PRDM9: variants seen among roughly 807,000 people sequenced by gnomAD.
The protein encoded by PRDM9 is PR/SET domain 9, also known as histone-lysine N-methyltransferase PRDM9.
Under a neutral mutation model 55.6 loss-of-function variants are expected in PRDM9, and 47 were observed. The observed-to-expected ratio is 0.85, with a 90% CI of 0.67 to 1.08. The LOEUF (loss-of-function observed/expected upper bound fraction) is 1.08. Ranked by LOEUF, PRDM9 falls within the 50% of genes least tolerant of loss-of-function variation. The pLI is 0.00. For missense variants in PRDM9, 867 were observed against 1,040.3 expected, an observed-to-expected ratio of 0.83 and a Z score of 2.29; for synonymous variants, 312 against 375.7, an observed-to-expected ratio of 0.83 and a Z score of 1.96.
At chr5:23,509,381 C>G in intron 2 of PRDM9, 89 bp from the exon 3 acceptor site, 2 of 1,603,408 alleles carry the variant, frequency 1.2e-6, no homozygotes, top group Non-Finnish European at 1.7e-6. Context: ...CCCAGAGGCC[C>G]CAGGCTATGT....
In PRDM9 at chr5:23,527,730, C is replaced by A; in HGVS notation, c.2642C>A (p.Thr881Lys). The change falls in exon 11 of 11, where the codon ACA becomes AAA. Residue 881 changes from threonine (T) to lysine (K), a missense_variant. By Grantham distance (78) the Thr-to-Lys change is moderately conservative. Coordinates refer to ENST00000296682, the MANE Select transcript of PRDM9 (RefSeq NM_020227.4). ...DRSSLCYHQRTHTGEKPYVCR... is the reference protein window; with the variant it reads ...DRSSLCYHQRKHTGEKPYVCR... ...TCAAGCCTCTGCTATCACCAGAGGA[C>A]ACACACAGGGGAGAAGCCCTACGTC... The A allele has an allele frequency of 6.2e-7, 1 of 1,613,216 alleles. No homozygotes were observed. The highest frequency in any genetic ancestry group is 8.5e-7 in the Non-Finnish European group (1 of 1,179,680).
At chr5:23,516,474 G>A (rs184074861) in intron 4 of PRDM9, among the ~76,000 whole-genome samples, 1,852 of 151,574 alleles carry the variant, frequency 0.012, 32 homozygotes, top group African/African-American at 0.043. Context: ...CCTGGTTCAC[G>A]CCATTCTCCT....
chr5:23,513,059 T>G (rs1739131902), intron 4 of PRDM9, among the ~76,000 whole-genome samples: 1 of 152,216 alleles, frequency 6.6e-6, no homozygotes, highest in Non-Finnish European at 1.5e-5. Flanking sequence ...ACCTCTTGTC[T>G]ATTGTGAGTA....
chr5:23,523,328 G>A lies in PRDM9; in HGVS notation c.920G>A (p.Gly307Glu), dbSNP rs1247357413. The A allele has an allele frequency of 1.9e-6, 3 of 1,614,028 alleles. No homozygotes were observed. The highest frequency in any genetic ancestry group is 2.2e-5 in the South Asian group (2 of 91,078). Residue 307 changes from glycine to glutamate, a missense_variant, in exon 9 of 11, where the codon GGA (glycine) becomes GAA (glutamate). By Grantham distance (98) the Gly-to-Glu change is moderately conservative. This residue lies in a region of PRDM9 where 662 missense variants were observed against 711.9 expected (regional missense o/e 0.93). Transcript: ENST00000296682. ...KGRNCYEYVD[G>E]KDKSWANWMR... ...AGAAACTGCTATGAGTATGTGGATG[G>A]AAAAGATAAATCCTGGGCCAACTGG...
At chr5:23,519,665 A>G (rs1028676585) in intron 5 of PRDM9, among the ~76,000 whole-genome samples, 7 of 152,106 alleles carry the variant, frequency 4.6e-5, no homozygotes, top group African/African-American at 1.7e-4. Context: ...CTGGTGAGAA[A>G]AATTATTAAT....
At chr5:23,523,463 A>G (rs1174971130) in intron 9 of PRDM9, 105 bp downstream of exon 9, 4 of 1,248,348 alleles carry the variant, frequency 3.2e-6, no homozygotes, top group Middle Eastern at 2.0e-4. Context: ...CACATTCCCT[A>G]TTTCTATTTT....
intron 9 of PRDM9, among the ~76,000 whole-genome samples, chr5:23,523,766 A>G (rs1386795532): frequency 1.3e-5 from 2 of 152,164 alleles, no homozygotes; most frequent in African/African-American, 4.8e-5. Flanking sequence ...CTCTCGTTCT[A>G]TCAGAGAATA....
chr5:23,510,627 GGATGAT>G (rs201050539), intron 4 of PRDM9, among the ~76,000 whole-genome samples: 57 of 142,876 alleles, frequency 4.0e-4, no homozygotes, highest in African/African-American at 7.5e-4. Context: ...CAAAGTGCTG[GGATGAT>G]GATGATGATG....
intron 5 of PRDM9, among the ~76,000 whole-genome samples, chr5:23,519,698 T>C (rs1359968148): frequency 6.6e-6 from 1 of 152,114 alleles, no homozygotes; most frequent in Non-Finnish European, 1.5e-5. Flanking sequence ...CTGTATTAAG[T>C]AGTTCAAAAA....
At position 23,521,173 on chromosome 5, in the gene PRDM9, A is replaced by C; in HGVS notation, c.502A>C (p.Lys168Gln). ...TACCTCTGGACAGCACTCAAGACTA[A>C]AACTGGGTAAGAAAAAATATTTGCG... is the stretch of plus-strand genomic sequence containing the variant. ...ASTSGQHSRLKLELRKKETER... is the reference protein window; with the variant it reads ...ASTSGQHSRLQLELRKKETER... Residue 168 changes from lysine to glutamine, a missense_variant, in exon 6 of 11, where the codon AAA becomes CAA. Around this residue, in one of 5 missense-constraint regions of PRDM9, gnomAD observed 662 missense variants for 711.9 expected, o/e 0.93. Coordinates refer to ENST00000296682, the MANE Select transcript of PRDM9 (RefSeq NM_020227.4). 6.2e-7 allele frequency: 1 copy of C among 1,613,052 alleles called. No homozygotes were observed. The highest frequency in any genetic ancestry group is 8.5e-7 in the Non-Finnish European group (1 of 1,180,008).
chr5:23,509,120 C>A lies in PRDM9; in HGVS notation c.69+18C>A. ...AGCCCATGGTGAGAAGTGGAGGAAG[C>A]GAAGCTGGACTCCTAGCAGGAGCTG... is the stretch of plus-strand genomic sequence containing the variant. On this transcript the variant is annotated intron_variant, in intron 2 of 10. Coordinates refer to ENST00000296682, the MANE Select transcript of PRDM9 (RefSeq NM_020227.4). 6.2e-7 allele frequency: 1 copy of A among 1,613,416 alleles called. No individual in the cohort carries two copies. The highest frequency in any genetic ancestry group is 8.5e-7 in the Non-Finnish European group (1 of 1,179,408).
intron 4 of PRDM9, among the ~76,000 whole-genome samples, chr5:23,516,432 G>GCGTGATATC: frequency 6.6e-6 from 1 of 152,080 alleles, no homozygotes; most frequent in South Asian, 2.1e-4. Flanking sequence ...GAGTGCAGTG[G>GCGTGATATC]CGTGATATCG....
chr5:23,526,069 T>C (rs1302634095), intron 10 of PRDM9, among the ~76,000 whole-genome samples, 164 bp from the exon 11 acceptor site: 1 of 152,068 alleles, frequency 6.6e-6, no homozygotes, highest in Admixed American at 6.6e-5. Flanking sequence ...TGAATAAAAG[T>C]GGAATGGAAA....
At chr5:23,523,943 G>T (rs568205682) in intron 9 of PRDM9, among the ~76,000 whole-genome samples, 10 of 152,298 alleles carry the variant, frequency 6.6e-5, no homozygotes, top group African/African-American at 2.2e-4. Flanking sequence ...AGTGTAGAAT[G>T]ATGTGCACTA....
rs748287281 is a variant in PRDM9 at position 23,526,543 on chromosome 5, G to A, written c.1455G>A (p.Gly485=). 6.2e-7 allele frequency: 1 copy of A among 1,614,182 alleles called. No homozygotes were observed. The highest frequency in any genetic ancestry group is 8.5e-7 in the Non-Finnish European group (1 of 1,180,022). ...AFSSPPKGQM[G]SCRVGKRIME... is the part of the protein sequence containing the mutation. ...CTAGCCCACCCAAAGGACAAATGGG[G>A]AGCTGTAGAGTGGGAAAAAGAATAA... Residue 485 remains glycine, a synonymous_variant, in exon 11 of 11, where the codon GGG becomes GGA. Transcript: ENST00000296682.
chr5:23,515,836 T>A (rs1271611827), intron 4 of PRDM9, among the ~76,000 whole-genome samples: 1 of 152,248 alleles, frequency 6.6e-6, no homozygotes, highest in Non-Finnish European at 1.5e-5. Context: ...CAAGGGTTTA[T>A]TTCTGGCCTC....
At position 23,527,731 on chromosome 5, in the gene PRDM9, A is replaced by G. The variant is rs756726784; in HGVS notation, c.2643A>G (p.Thr881=). The G allele has an allele frequency of 1.4e-5, 23 of 1,613,658 alleles. No individual in the cohort carries two copies. Among genetic ancestry groups the G allele is most frequent in the Non-Finnish European group, 1.7e-5 (20 of 1,179,788 alleles). ...CAAGCCTCTGCTATCACCAGAGGAC[A>G]CACACAGGGGAGAAGCCCTACGTCT... ...DRSSLCYHQR[T]HTGEKPYVCR... The change falls in exon 11 of 11, where the codon ACA becomes ACG. Residue 881 remains threonine, a synonymous_variant. Transcript: ENST00000296682.
chr5:23,519,745 A>G (rs967723687), intron 5 of PRDM9, among the ~76,000 whole-genome samples: 1 of 152,070 alleles, frequency 6.6e-6, no homozygotes, highest in Non-Finnish European at 1.5e-5. Context: ...CATGTTCACT[A>G]CAATATTAAG....
chr5:23,509,355 A>T, intron 2 of PRDM9, 115 bp from the exon 3 acceptor site: 4 of 1,552,102 alleles, frequency 2.6e-6, no homozygotes, highest in Non-Finnish European at 3.6e-6. Flanking sequence ...GAAGATCTTT[A>T]TGTTTCACAG....
Sources: allele counts gnomAD v4.1 joint callset (sites outside exome capture counted in the v4.1 genomes callset), GRCh38; gene constraint gnomAD v4.1.1; regional missense constraint gnomAD v4.1.1; transcripts MANE v1.5; gene names NCBI Gene and HGNC (gene_info 2026-07-23, HGNC 2026-07-21).